Variants in UBE3D observed in about 807,000 individuals in gnomAD.
UBE3D encodes the protein ubiquitin protein ligase E3D.
A neutral mutation model predicts 49.6 loss-of-function variants in UBE3D; 48 were observed. The observed-to-expected ratio is 0.97, with a 90% CI of 0.77 to 1.23. The LOEUF is 1.23. Ranked by LOEUF, UBE3D falls within the 50% of genes most tolerant of loss-of-function variation. The pLI is 0.00. For synonymous variants in UBE3D, 189 were observed against 174.2 expected, an observed-to-expected ratio of 1.08 and a Z score of -0.67; for missense variants, 452 against 468.4, an observed-to-expected ratio of 0.96 and a Z score of 0.32.
intron 8 of UBE3D, among the ~76,000 whole-genome samples, chr6:82,960,298 T>C (rs1331907087): frequency 1.3e-5 from 2 of 152,108 alleles, no homozygotes; most frequent in Admixed American, 6.5e-5. Context: ...TTTCAACATT[T>C]CTCTGGAATG....
At chr6:82,906,045 C>T (rs1772077617) in intron 9 of UBE3D, among the ~76,000 whole-genome samples, 1 of 152,048 alleles carries the variant, frequency 6.6e-6, no homozygotes, top group Non-Finnish European at 1.5e-5. Context: ...AAAAATAAAA[C>T]CACAATGCCA....
intron 9 of UBE3D, among the ~76,000 whole-genome samples, chr6:82,955,995 C>G (rs1281515690): frequency 6.6e-6 from 1 of 152,172 alleles, no homozygotes; most frequent in African/African-American, 2.4e-5. Flanking sequence ...GCCTGAGGCT[C>G]AGAAAGAGGA....
chr6:83,024,663 C>A (rs369233412), intron 5 of UBE3D, among the ~76,000 whole-genome samples: 1 of 152,118 alleles, frequency 6.6e-6, no homozygotes, highest in Admixed American at 6.6e-5. Flanking sequence ...CCATCCCCTA[C>A]TCTAATTGGA....
intron 9 of UBE3D, among the ~76,000 whole-genome samples, chr6:82,955,128 G>A (rs527483865): frequency 3.0e-4 from 46 of 152,174 alleles, no homozygotes; most frequent in African/African-American, 9.2e-4. Flanking sequence ...TGCAGGCCAG[G>A]CTTCATGCAC....
rs927851158 is a variant in UBE3D, at chr6:83,044,635, C to T, written c.390G>A (p.Leu130=). The T allele has an allele frequency of 1.9e-6, 3 of 1,614,036 alleles. No homozygotes were observed. Among genetic ancestry groups the T allele is most frequent in the Non-Finnish European group, 2.5e-6 (3 of 1,179,922 alleles). ...KDRKLLRVLP[L]PSENWGALVG... is the part of the protein sequence containing the mutation. Reference sequence around the variant, plus strand: ...CTAGAGCTCCCCAGTTCTCACTCGGCAGTGGGAGCACCCTGAGGAGCTTCC... The same window carrying T: ...CTAGAGCTCCCCAGTTCTCACTCGGTAGTGGGAGCACCCTGAGGAGCTTCC... The change falls in exon 4 of 10, where the codon CTG becomes CTA. Residue 130 remains leucine, a synonymous_variant. Coordinates refer to ENST00000369747, the MANE Select transcript of UBE3D (RefSeq NM_198920.3).
rs1778155090 is a variant in UBE3D, at chr6:82,982,113, A to T, written c.1011-24663T>A. ...ATACAAAAGTATAAATCACAGAGTA[A>T]TAAACAACTGTCCTCATCACCCAGC... On this transcript the variant is annotated intron_variant, in intron 8 of 9. Transcript: ENST00000369747. Among the ~76,000 whole-genome samples the T allele has an allele frequency of 2.6e-5, 4 of 152,186 alleles. No homozygotes were observed. The South Asian group carries it at 8.3e-4, about 31-fold the overall frequency.
intron 9 of UBE3D, among the ~76,000 whole-genome samples, chr6:82,941,201 C>T (rs1010266052): frequency 1.3e-5 from 2 of 151,844 alleles, no homozygotes; most frequent in African/African-American, 4.8e-5. Context: ...GCAAGACTAT[C>T]TCCAAAAAAA....
At chr6:83,057,205 C>CAT in intron 2 of UBE3D, among the ~76,000 whole-genome samples, 1 of 152,322 alleles carries the variant, frequency 6.6e-6, no homozygotes. Context: ...TCAGGTCAAA[C>CAT]ATTACCTCCT....
At chr6:82,947,709 A>AGAGGAATTTT (rs964195884) in intron 9 of UBE3D, among the ~76,000 whole-genome samples, 23 of 152,018 alleles carry the variant, frequency 1.5e-4, no homozygotes, top group African/African-American at 5.3e-4. Flanking sequence ...ATCAATAACA[A>AGAGGAATTTT]GAGGAATTTT....
intron 3 of UBE3D, among the ~76,000 whole-genome samples, chr6:83,045,695 G>A (rs1250449199): frequency 6.6e-6 from 1 of 152,014 alleles, no homozygotes; most frequent in Non-Finnish European, 1.5e-5. Flanking sequence ...ACTTACAAAG[G>A]TAGTGTATTA....
chr6:82,999,022 A>G (rs992995089), intron 8 of UBE3D, among the ~76,000 whole-genome samples: 1 of 152,158 alleles, frequency 6.6e-6, no homozygotes, highest in Admixed American at 6.6e-5. Context: ...CATCTCACTC[A>G]TCTCCTTTCC....
At chr6:83,043,165 G>A (rs1381540482) in intron 4 of UBE3D, among the ~76,000 whole-genome samples, 1 of 152,180 alleles carries the variant, frequency 6.6e-6, no homozygotes, top group Non-Finnish European at 1.5e-5. Context: ...TAAATGTGAT[G>A]AATATATTTC....
At chr6:82,960,630 AG>A (rs1776482082) in intron 8 of UBE3D, among the ~76,000 whole-genome samples, 1 of 151,708 alleles carries the variant, frequency 6.6e-6, no homozygotes, top group African/African-American at 2.4e-5. Context: ...GTTCTTATAA[AG>A]GAAACAAATG....
chr6:82,970,731 C>T (rs962228163), intron 8 of UBE3D, among the ~76,000 whole-genome samples: 6 of 151,842 alleles, frequency 4.0e-5, no homozygotes, highest in Admixed American at 1.3e-4. Flanking sequence ...CCCAGCTACT[C>T]GGGAGGCTGA....
At chr6:82,925,706 T>C (rs145373623) in intron 9 of UBE3D, among the ~76,000 whole-genome samples, 1 of 152,120 alleles carries the variant, frequency 6.6e-6, no homozygotes, top group African/African-American at 2.4e-5. Context: ...AAATCCTGCT[T>C]CTGCTCAAAC....
At chr6:82,944,495 C>T (rs1775253931) in intron 9 of UBE3D, among the ~76,000 whole-genome samples, 1 of 152,190 alleles carries the variant, frequency 6.6e-6, no homozygotes, top group Non-Finnish European at 1.5e-5. Flanking sequence ...GGGTGAGATT[C>T]TGAGAGTTGC....
At chr6:82,991,679 A>C (rs898000699) in intron 8 of UBE3D, among the ~76,000 whole-genome samples, 1 of 152,214 alleles carries the variant, frequency 6.6e-6, no homozygotes, top group South Asian at 2.1e-4. Context: ...AATTTTGTTA[A>C]GAAATTTATC....
chr6:82,961,579 T>C (rs1047541636), intron 8 of UBE3D, among the ~76,000 whole-genome samples: 5 of 152,240 alleles, frequency 3.3e-5, no homozygotes, highest in African/African-American at 1.2e-4. Flanking sequence ...CCACACTGAC[T>C]GCTGAGGACA....
chr6:82,903,457 G>A (rs1771880781), intron 9 of UBE3D, among the ~76,000 whole-genome samples: 1 of 152,130 alleles, frequency 6.6e-6, no homozygotes, highest in African/African-American at 2.4e-5. Flanking sequence ...ATGACATATT[G>A]GCCTGAAATC....
Sources: gnomAD v4.1 joint callset for allele counts (sites outside exome capture counted in the v4.1 genomes callset) on GRCh38, gnomAD v4.1.1 for gene constraint, MANE v1.5 for transcripts, NCBI Gene and HGNC (gene_info 2026-07-23, HGNC 2026-07-21) for gene names.